Variants in CTSD observed in about 807,000 individuals in gnomAD.
CTSD encodes the protein cathepsin D.
In CTSD, 28 loss-of-function variants were observed where a neutral mutation model predicts 43.6. That is an observed-to-expected ratio of 0.64 (90% CI 0.48 to 0.88). The LOEUF (loss-of-function observed/expected upper bound fraction) is 0.88, where lower values mean the gene tolerates loss of function less well. Ranked by LOEUF, CTSD falls within the 40% of genes least tolerant of loss-of-function variation. The probability of loss-of-function intolerance (pLI) is 0.00; values close to 1 mark genes in which losing one functional copy is unlikely to be tolerated. For missense variants in CTSD, 485 were observed against 555.2 expected, an observed-to-expected ratio of 0.87 and a Z score of 1.27; for synonymous variants, 270 against 249.8, an observed-to-expected ratio of 1.08 and a Z score of -0.76.
chr11:1,758,979 T>C lies in CTSD; in HGVS notation c.461A>G (p.Asp154Gly). ...CCCAGAGGGACTCACCGACACAGTGTCCTGGCTCAGGTACCCGGAGAGGCT... is the reference window on the plus strand; with the variant it reads ...CCCAGAGGGACTCACCGACACAGTGCCCTGGCTCAGGTACCCGGAGAGGCT... ...SGSLSGYLSQ[D>G]TVSVPCQSAS... The change falls in exon 4 of 9, where the codon GAC becomes GGC. Residue 154 changes from aspartate (D) to glycine (G), a missense_variant. Physicochemically the swap from Asp to Gly is moderately conservative, Grantham distance 94 (BLOSUM62 -1). Coordinates refer to ENST00000236671, the MANE Select transcript of CTSD (RefSeq NM_001909.5). The C allele has an allele frequency of 1.2e-6, 2 of 1,610,358 alleles. No individual in the cohort carries two copies. The highest frequency in any genetic ancestry group is 1.7e-6 in the Non-Finnish European group (2 of 1,176,648).
chr11:1,763,591 TC>T, intron 1 of CTSD, 200 bp downstream of exon 1: 1 of 519,380 alleles, frequency 1.9e-6, no homozygotes, highest in Non-Finnish European at 3.3e-6. Flanking sequence ...CTGCCCCGGG[TC>T]CCCTGCACCT....
chr11:1,756,558 G>A (rs915549447), intron 5 of CTSD, among the ~76,000 whole-genome samples: 1 of 152,226 alleles, frequency 6.6e-6, no homozygotes, highest in African/African-American at 2.4e-5. Flanking sequence ...ACCAGGCGCA[G>A]CTCAGGGCAG....
Position 1,753,606 on chromosome 11 carries a change from C to T in CTSD, c.1136G>A (p.Ser379Asn), listed in dbSNP as rs1177483130. The T allele has an allele frequency of 3.1e-6, 5 of 1,613,068 alleles. No individual in the cohort carries two copies. Among genetic ancestry groups the T allele is most frequent in the Non-Finnish European group, 4.2e-6 (5 of 1,179,926 alleles). ...GFMGMDIPPP[S>N]GPLWILGDVF... ...GTCGCCCAGGATCCAGAGTGGCCCG[C>T]TGGGTGGCGGGATGTCCATGCCCAT... The change falls in exon 9 of 9, where the codon AGC (serine) becomes AAC (asparagine). Residue 379 changes from serine (S) to asparagine (N), a missense_variant. Coordinates refer to ENST00000236671, the MANE Select transcript of CTSD (RefSeq NM_001909.5).
At chr11:1,761,787 C>G (rs1845881119) in intron 1 of CTSD, 1 of 453,814 alleles carries the variant, frequency 2.2e-6, no homozygotes, top group East Asian at 4.6e-5. Flanking sequence ...CTCCAAAGCC[C>G]CCAAGGGTCT....
chr11:1,755,135 G>T, intron 5 of CTSD, 107 bp from the exon 6 acceptor site: 1 of 1,366,564 alleles, frequency 7.3e-7, no homozygotes, highest in African/African-American at 1.4e-5. Context: ...CTTCCTGAAG[G>T]AGGGGCCTTT....
Position 1,753,829 on chromosome 11 carries a change from G to T in CTSD, c.1045C>A (p.Leu349Met), listed in dbSNP as rs1322990354. 1.2e-6 allele frequency: 2 copies of T among 1,613,516 alleles called. No homozygotes were observed. The highest frequency in any genetic ancestry group is 4.5e-5 in the East Asian group (2 of 44,856). The stretch of plus-strand genomic sequence containing the variant: ...TTGAGCGTGTAGTCCTCTGGGGACA[G>T]CTTGTAGCCTTTGCCTCCCAGCTTC... Reference protein sequence around the residue: ...TLKLGGKGYKLSPEDYTLKVS... With the variant: ...TLKLGGKGYKMSPEDYTLKVS... The change falls in exon 8 of 9, where the codon CTG becomes ATG. Residue 349 changes from leucine (L) to methionine (M), a missense_variant. Physicochemically the swap from Leu to Met is conservative, Grantham distance 15. Coordinates refer to ENST00000236671, the MANE Select transcript of CTSD (RefSeq NM_001909.5).
At chr11:1,754,600 T>TGAGGGGATG (rs540280225) in intron 6 of CTSD, among the ~76,000 whole-genome samples, 4 of 68,818 alleles carry the variant, frequency 5.8e-5, no homozygotes, top group African/African-American at 1.7e-4. Flanking sequence ...CACAGAGGGA[T>TGAGGGGATG]GAGGGGATGG....
At chr11:1,759,111 C>T (rs200272665) in intron 3 of CTSD, 24 bp from the exon 4 acceptor site, 17 of 1,549,548 alleles carry the variant, frequency 1.1e-5, no homozygotes, top group East Asian at 4.5e-5. Flanking sequence ...CAAGGGGGCC[C>T]GCCGGTCATC....
rs767539066 is a variant in CTSD, at chr11:1,759,651, C to G, written c.229-12G>C. 5 of 1,608,352 alleles carry G rather than the reference C, an allele frequency of 3.1e-6. No homozygotes were observed. The highest frequency in any genetic ancestry group is 4.2e-6 in the Non-Finnish European group (5 of 1,176,504). On this transcript the variant is annotated splice_polypyrimidine_tract_variant and intron_variant, in intron 2 of 8. Transcript: ENST00000236671. The stretch of plus-strand genomic sequence containing the variant: ...CCGTAGTACTGGGCCTGGCAGGGGA[C>G]AGGGTCCGTCAGGGATGGGAGAGGG...
intron 6 of CTSD, among the ~76,000 whole-genome samples, chr11:1,754,467 GATGGAGGGT>G: frequency 7.3e-6 from 1 of 137,222 alleles, no homozygotes; most frequent in East Asian, 2.4e-4. Flanking sequence ...AGATGGAGGG[GATGGAGGGT>G]CATGGAGAGT....
chr11:1,763,402 C>T (rs1316588613), intron 1 of CTSD: 1 of 195,878 alleles, frequency 5.1e-6, no homozygotes, highest in East Asian at 1.2e-4. Context: ...GACTCGGGGG[C>T]TCTGAGGCCT....
chr11:1,759,953 A>G (rs1390970699), intron 2 of CTSD, among the ~76,000 whole-genome samples: 1 of 152,218 alleles, frequency 6.6e-6, no homozygotes, highest in Non-Finnish European at 1.5e-5. Context: ...AGGTCAAGCC[A>G]GGGTGGGGAC....
intron 1 of CTSD, chr11:1,762,095 A>G (rs921462822): frequency 1.2e-5 from 2 of 170,398 alleles, no homozygotes; most frequent in East Asian, 3.2e-4. Flanking sequence ...GTGGCTGCCC[A>G]GTGCCCTCAT....
chr11:1,757,205 G>A (rs939472697), intron 5 of CTSD, 119 bp downstream of exon 5: 2 of 884,068 alleles, frequency 2.3e-6, no homozygotes, highest in Non-Finnish European at 3.7e-6. Context: ...TCAGAGGTCA[G>A]GAGCTCTGGC....
chr11:1,754,508 AGGGATGGAGGGATGGAG>A (rs1180798645), intron 6 of CTSD, among the ~76,000 whole-genome samples: 108 of 24,264 alleles, frequency 4.5e-3, no homozygotes, highest in Middle Eastern at 0.022. Flanking sequence ...GTGGGGATGG[AGGGATGGAGGGATGGAG>A]GGGATGGAGG....
In CTSD at chr11:1,753,806, G is replaced by GAGCGTGTAGTCCTCTGGGGAC; in HGVS notation, c.1047_1067dup (p.Ser350_Leu356dup). 6.2e-7 allele frequency: 1 copy of GAGCGTGTAGTCCTCTGGGGAC among 1,613,532 alleles called. No individual in the cohort carries two copies. Among genetic ancestry groups the GAGCGTGTAGTCCTCTGGGGAC allele is most frequent in the Non-Finnish European group, 8.5e-7 (1 of 1,179,768 alleles). On this transcript the variant is annotated inframe_insertion, in exon 8 of 9. Coordinates refer to ENST00000236671, the MANE Select transcript of CTSD (RefSeq NM_001909.5). ...CGGCACCCCATTGCCCGCTCACCTT[G>GAGCGTGTAGTCCTCTGGGGAC]AGCGTGTAGTCCTCTGGGGACAGCT... is the stretch of plus-strand genomic sequence containing the variant.
At chr11:1,760,909 A>G (rs1046682160) in intron 2 of CTSD, 5 of 311,872 alleles carry the variant, frequency 1.6e-5, no homozygotes, top group African/African-American at 4.3e-5. Context: ...TGGGCACAGG[A>G]GGGGCTGTTG....
intron 1 of CTSD, 99 bp from the exon 2 acceptor site, chr11:1,761,567 A>C: frequency 7.2e-6 from 10 of 1,383,548 alleles, no homozygotes; most frequent in Non-Finnish European, 1.0e-5. Context: ...GGGGAATCTC[A>C]GAGTCGCCAC....
rs35855065 is a variant in CTSD, at chr11:1,761,383, CG to C, written c.153del (p.Val52SerfsTer11). 6.2e-7 allele frequency: 1 copy of C among 1,613,688 alleles called. No individual in the cohort carries two copies. Among genetic ancestry groups the C allele is most frequent in the African/African-American group, 1.3e-5 (1 of 74,928 alleles). On this transcript the variant is annotated frameshift_variant, in exon 2 of 9. Coordinates refer to ENST00000236671, the MANE Select transcript of CTSD (RefSeq NM_001909.5). LOFTEE classifies it high-confidence loss of function. ...GGCACCGCCTGGGAGTACTTTGAGA[CG>C]GGGCCTTTGGCAATCAGGTCCTCCA... ...GSVEDLIAKG[P>X]VSKYSQAVPA...
Sources: allele counts gnomAD v4.1 joint callset (sites outside exome capture counted in the v4.1 genomes callset), GRCh38; gene constraint gnomAD v4.1.1; transcripts MANE v1.5; gene names NCBI Gene and HGNC (gene_info 2026-07-23, HGNC 2026-07-21).